The following NINL variants were observed in gnomAD, a reference collection of about 807,000 sequenced individuals.
NINL encodes the protein ninein like.
In NINL, 153 loss-of-function variants were observed where a neutral mutation model predicts 160.3. That is an observed-to-expected ratio of 0.95 (90% CI 0.84 to 1.09). NINL has a LOEUF of 1.09. NINL is among the 50% of genes least tolerant of loss of function. NINL has a pLI of 0.00. For missense variants in NINL, 1,829 were observed against 1,764.0 expected, an observed-to-expected ratio of 1.04 and a Z score of -0.66; for synonymous variants, 800 against 734.8, an observed-to-expected ratio of 1.09 and a Z score of -1.43.
At position 25,554,632 on chromosome 20, in the gene NINL, AAAAC is replaced by A. The variant is rs1568963271; in HGVS notation, c.-11-28038_-11-28035del. ...AGAACCCTGTTCTTTACCAAAAAAAAAAACAAAAAAAAAAAAAAAAAAAAATTAG... is the reference window on the plus strand; with the variant it reads ...AGAACCCTGTTCTTTACCAAAAAAAAAAAAAAAAAAAAAAAAAAAAATTAG... On this transcript the variant is annotated intron_variant, in intron 1 of 23. Transcript: ENST00000278886. Among the ~76,000 whole-genome samples the A allele has an allele frequency of 9.1e-4, 21 of 23,132 alleles. 2 individuals are homozygous for A. Among genetic ancestry groups the A allele is most frequent in the East Asian group, 6.7e-3 (1 of 150 alleles). 15.2% of individuals were successfully genotyped at this position (23,132 alleles called of 152,430 possible).
rs187243166 is a variant in NINL at position 25,559,225 on chromosome 20, C to T, written c.-12+26230G>A. On this transcript the variant is annotated intron_variant, in intron 1 of 23. Coordinates refer to ENST00000278886, the MANE Select transcript of NINL (RefSeq NM_025176.6). ...TTGGGATAAGGCAGTGTGCTCAGCT[C>T]GGGGAGCAGAGGAAGGCCTTTTTCT... Among the ~76,000 whole-genome samples the T allele has an allele frequency of 1.1e-4, 17 of 152,202 alleles. No individual in the cohort carries two copies. The East Asian group carries it at 1.9e-3, about 17-fold the overall frequency.
rs1395173130 is a variant in NINL, at chr20:25,469,987, T to A, written c.3353+4A>T. 6.2e-7 allele frequency: 1 copy of A among 1,608,960 alleles called. No individual in the cohort carries two copies. Among genetic ancestry groups the A allele is most frequent in the African/African-American group, 1.3e-5 (1 of 74,842 alleles). On this transcript the variant is annotated splice_donor_region_variant and intron_variant, in intron 18 of 23. Transcript: ENST00000278886. ...GAAGGTCTGGGTAGGGGCGTGGCCC[T>A]TACCTCTGTGCATCGTGAGTACTTT... is the stretch of plus-strand genomic sequence containing the variant.
chr20:25,564,742 T>A (rs907851156), intron 1 of NINL, among the ~76,000 whole-genome samples: 1 of 151,802 alleles, frequency 6.6e-6, no homozygotes, highest in African/African-American at 2.4e-5. Context: ...TGTGAGCCAT[T>A]GCCCCATTTC....
At chr20:25,481,078 G>GT (rs1472740004) in intron 14 of NINL, among the ~76,000 whole-genome samples, 3 of 152,240 alleles carry the variant, frequency 2.0e-5, no homozygotes, top group African/African-American at 7.2e-5. Flanking sequence ...CCCCGACTAG[G>GT]CTCCCCTATG....
chr20:25,463,881 C>T (rs753300702), intron 19 of NINL, among the ~76,000 whole-genome samples: 1 of 152,200 alleles, frequency 6.6e-6, no homozygotes, highest in Non-Finnish European at 1.5e-5. Context: ...TCCCTAGAAC[C>T]TCAAGCCTCA....
At chr20:25,466,069 T>TCTCAC (rs2062905945) in intron 19 of NINL, among the ~76,000 whole-genome samples, 1 of 152,142 alleles carries the variant, frequency 6.6e-6, no homozygotes, top group Non-Finnish European at 1.5e-5. Context: ...TCTGTCAGGC[T>TCTCAC]GGAGTGCAGT....
At chr20:25,490,383 A>G (rs1475260985) in intron 11 of NINL, among the ~76,000 whole-genome samples, 2 of 152,070 alleles carry the variant, frequency 1.3e-5, no homozygotes, top group Non-Finnish European at 2.9e-5. Context: ...ACATGGTGAA[A>G]CCCCATCTCT....
At chr20:25,493,508 G>T (rs2063683047) in intron 10 of NINL, among the ~76,000 whole-genome samples, 1 of 152,140 alleles carries the variant, frequency 6.6e-6, no homozygotes, top group African/African-American at 2.4e-5. Flanking sequence ...GGGTCTCCCT[G>T]ACATACTTTC....
intron 8 of NINL, among the ~76,000 whole-genome samples, chr20:25,498,571 G>C (rs2063805827): frequency 6.6e-6 from 1 of 152,212 alleles, no homozygotes; most frequent in African/African-American, 2.4e-5. Flanking sequence ...TGCCTCAGGG[G>C]TGCGTAGGCC....
At chr20:25,461,328 G>T (rs947695751) in intron 21 of NINL, among the ~76,000 whole-genome samples, 194 bp downstream of exon 21, 2 of 152,216 alleles carry the variant, frequency 1.3e-5, no homozygotes, top group African/African-American at 4.8e-5. Flanking sequence ...CTCTTCACGG[G>T]GCTTGCTGAC....
Position 25,512,815 on chromosome 20 carries a change from G to T in NINL, c.450+19C>A, listed in dbSNP as rs769632122. The T allele has an allele frequency of 6.3e-7, 1 of 1,592,126 alleles. No individual in the cohort carries two copies. ...TTCCCAACACTGGGCAGCTGGGGTG[G>T]GAGAGGGGCCTGACCCACCTCCACG... On this transcript the variant is annotated intron_variant, in intron 4 of 23. Coordinates refer to ENST00000278886, the MANE Select transcript of NINL (RefSeq NM_025176.6).
intron 13 of NINL, among the ~76,000 whole-genome samples, chr20:25,482,327 CT>C (rs1462152488): frequency 6.6e-6 from 1 of 152,104 alleles, no homozygotes; most frequent in Non-Finnish European, 1.5e-5. Context: ...CTTTTAAAAA[CT>C]TTTATTTTTA....
chr20:25,579,730 G>A (rs2065152021), intron 1 of NINL, among the ~76,000 whole-genome samples: 1 of 152,200 alleles, frequency 6.6e-6, no homozygotes, highest in Non-Finnish European at 1.5e-5. Flanking sequence ...CTCCATGGAT[G>A]TGAGAGGCTG....
rs745418365 is a variant in NINL, at chr20:25,517,849, C to T, written c.181G>A (p.Val61Ile). 5 of 1,597,024 alleles carry T rather than the reference C, an allele frequency of 3.1e-6. No homozygotes were observed. Among genetic ancestry groups the T allele is most frequent in the South Asian group, 1.1e-5 (1 of 87,602 alleles). ...TLLGNDHFAR[V>I]NFEEFKEGFV... Reference sequence around the variant, plus strand: ...CCTTCCTTAAATTCCTCAAAGTTAACCTGGGTGAATTGAAGGTGAGAGAGG... The same window carrying T: ...CCTTCCTTAAATTCCTCAAAGTTAATCTGGGTGAATTGAAGGTGAGAGAGG... Residue 61 changes from valine to isoleucine, a missense_variant and splice_region_variant, in exon 3 of 24, where the codon GTT (valine) becomes ATT (isoleucine). Transcript: ENST00000278886.
At chr20:25,457,036 T>G (rs998184771) in intron 22 of NINL, among the ~76,000 whole-genome samples, 1 of 151,318 alleles carries the variant, frequency 6.6e-6, no homozygotes. Flanking sequence ...AAAAATGTTC[T>G]GGCCCAGGGC....
At chr20:25,494,652 C>T (rs922861443) in intron 10 of NINL, among the ~76,000 whole-genome samples, 1 of 152,214 alleles carries the variant, frequency 6.6e-6, no homozygotes, top group Non-Finnish European at 1.5e-5. Context: ...CAGCCACCCC[C>T]TATGGACTGA....
chr20:25,471,695 G>A (rs1043226072), intron 17 of NINL, among the ~76,000 whole-genome samples: 1 of 152,236 alleles, frequency 6.6e-6, no homozygotes, highest in African/African-American at 2.4e-5. Flanking sequence ...CTATGTGTCA[G>A]CACTGCTATT....
intron 1 of NINL, among the ~76,000 whole-genome samples, chr20:25,573,994 C>A (rs115798628): frequency 1.0e-3 from 156 of 152,242 alleles, no homozygotes; most frequent in African/African-American, 3.6e-3. Context: ...GAAACAGGAA[C>A]CAATAAGGGA....
chr20:25,476,023 A>C lies in NINL; in HGVS notation c.3248+20T>G, dbSNP rs1455605816. 1 of 1,603,820 alleles carries C rather than the reference A, an allele frequency of 6.2e-7. No homozygotes were observed. The highest frequency in any genetic ancestry group is 1.3e-5 in the African/African-American group (1 of 74,530). ...TTTTAGTTTGAAGTGTTTAGTTTTA[A>C]GAATGAGTAGAAGGCAAACCTGTCG... On this transcript the variant is annotated intron_variant, in intron 17 of 23. Transcript: ENST00000278886.
Sources: gnomAD v4.1 joint callset for allele counts (sites outside exome capture counted in the v4.1 genomes callset) on GRCh38, gnomAD v4.1.1 for gene constraint, MANE v1.5 for transcripts, NCBI Gene and HGNC (gene_info 2026-07-23, HGNC 2026-07-21) for gene names.